The following PDCD6IP variants were observed in gnomAD, a reference collection of about 807,000 sequenced individuals.
The protein encoded by PDCD6IP is programmed cell death 6 interacting protein, also known as programmed cell death 6-interacting protein.
A neutral mutation model predicts 103.7 loss-of-function variants in PDCD6IP; 43 were observed. The ratio of observed to expected loss-of-function variants is 0.41; its 90% confidence interval spans 0.32 to 0.53. PDCD6IP has a LOEUF of 0.53. Among genes scored for constraint, PDCD6IP ranks in the 20% least tolerant of loss-of-function variants. The probability of loss-of-function intolerance (pLI) is 0.16; values close to 1 mark genes in which losing one functional copy is unlikely to be tolerated. For missense variants in PDCD6IP, 871 were observed against 1,036.7 expected (o/e 0.84, Z 2.20); for synonymous variants, 354 against 378.7 (o/e 0.93, Z 0.76).
chr3:33,806,579 C>T (rs1416788849), intron 1 of PDCD6IP, among the ~76,000 whole-genome samples: 1 of 152,188 alleles, frequency 6.6e-6, no homozygotes, highest in African/African-American at 2.4e-5. Flanking sequence ...TTTGCCAACT[C>T]CTGGCTTAGC....
At chr3:33,818,513 CTTTTTT>C (rs61405380) in intron 3 of PDCD6IP, among the ~76,000 whole-genome samples, 21 of 89,270 alleles carry the variant, frequency 2.4e-4, no homozygotes, top group African/African-American at 8.7e-4. Flanking sequence ...TGATCCCTTG[CTTTTTT>C]TTTTTTTTTT....
intron 3 of PDCD6IP, among the ~76,000 whole-genome samples, chr3:33,815,376 G>A (rs947949406): frequency 1.3e-5 from 2 of 151,994 alleles, no homozygotes; most frequent in Non-Finnish European, 2.9e-5. Context: ...ACTCTGGAAG[G>A]GACTTCATAA....
chr3:33,857,189 GA>G (rs1209770891), intron 15 of PDCD6IP, among the ~76,000 whole-genome samples: 1 of 143,836 alleles, frequency 7.0e-6, no homozygotes, highest in Non-Finnish European at 1.5e-5. Flanking sequence ...AAAAAAAGGT[GA>G]TTTTTTTTTA....
chr3:33,836,009 T>TC, intron 7 of PDCD6IP, 35 bp from the exon 8 acceptor site: 2 of 402,140 alleles, frequency 5.0e-6, no homozygotes, highest in Non-Finnish European at 8.3e-6. Context: ...CACCTCCCTC[T>TC]TTTTTTTTTT....
At chr3:33,842,459 A>T (rs1331191806) in intron 10 of PDCD6IP, among the ~76,000 whole-genome samples, 1 of 151,608 alleles carries the variant, frequency 6.6e-6, no homozygotes, top group Non-Finnish European at 1.5e-5. Context: ...AAACCCTTTA[A>T]TTTATCCCTA....
At chr3:33,845,960 C>T (rs1259599594) in intron 12 of PDCD6IP, among the ~76,000 whole-genome samples, 2 of 152,130 alleles carry the variant, frequency 1.3e-5, no homozygotes, top group African/African-American at 4.8e-5. Flanking sequence ...TTCTATACTC[C>T]TTTCCACCTT....
intron 17 of PDCD6IP, among the ~76,000 whole-genome samples, chr3:33,865,750 G>A (rs1698049940): frequency 6.6e-6 from 1 of 152,164 alleles, no homozygotes; most frequent in African/African-American, 2.4e-5. Context: ...GCGTAGCATA[G>A]CAAAACTGAT....
At chr3:33,819,677 T>C (rs1043354652) in intron 3 of PDCD6IP, among the ~76,000 whole-genome samples, 1 of 152,174 alleles carries the variant, frequency 6.6e-6, no homozygotes, top group Non-Finnish European at 1.5e-5. Flanking sequence ...CATACAAATG[T>C]AGTGTTGTTC....
chr3:33,822,393 AT>A (rs1697012965), intron 4 of PDCD6IP, among the ~76,000 whole-genome samples: 1 of 152,192 alleles, frequency 6.6e-6, no homozygotes, highest in Non-Finnish European at 1.5e-5. Flanking sequence ...GGGTAAATCC[AT>A]TTTAAATAAA....
chr3:33,832,959 T>G (rs7649584), intron 7 of PDCD6IP, among the ~76,000 whole-genome samples: 1 of 152,006 alleles, frequency 6.6e-6, no homozygotes, highest in Non-Finnish European at 1.5e-5. Flanking sequence ...TGGTCAAACA[T>G]ATATAAAAGT....
Position 33,866,672 on chromosome 3 carries a change from C to A in PDCD6IP, c.*147C>A. The A allele has an allele frequency of 1.8e-6, 1 of 541,122 alleles. No individual in the cohort carries two copies. Among genetic ancestry groups the A allele is most frequent in the Non-Finnish European group, 3.0e-6 (1 of 336,718 alleles). The allele number at this position is 541,122 out of a possible 1,614,324, so 33.5% of individuals were successfully genotyped here. A position where few individuals can be genotyped will look rare whatever the true frequency, so the allele number is the denominator to read the frequency against. On this transcript the variant is annotated 3_prime_UTR_variant, in exon 18 of 18. Transcript: ENST00000307296. ...TATAATTTCTGTCTACAGCTAGAAG[C>A]TGTGCCCCAGTTCCACATTTGATTA...
intron 6 of PDCD6IP, chr3:33,826,795 TA>T: frequency 7.6e-7 from 1 of 1,308,676 alleles, no homozygotes; most frequent in Non-Finnish European, 9.7e-7. Flanking sequence ...TACCTTTTAC[TA>T]AACTTGTTTT....
intron 7 of PDCD6IP, among the ~76,000 whole-genome samples, chr3:33,830,738 C>G (rs541580672): frequency 6.6e-6 from 1 of 152,234 alleles, no homozygotes; most frequent in South Asian, 2.1e-4. Context: ...AACACACTCA[C>G]TGATCCATAT....
At chr3:33,812,305 ATTC>A (rs1696737549) in intron 2 of PDCD6IP, among the ~76,000 whole-genome samples, 179 bp downstream of exon 2, 1 of 152,190 alleles carries the variant, frequency 6.6e-6, no homozygotes, top group Non-Finnish European at 1.5e-5. Context: ...TGTTCATGTC[ATTC>A]TTCAGTCACT....
intron 15 of PDCD6IP, among the ~76,000 whole-genome samples, chr3:33,856,723 G>A (rs1697837659): frequency 6.6e-6 from 1 of 152,112 alleles, no homozygotes; most frequent in African/African-American, 2.4e-5. Flanking sequence ...TAGGCAGTCA[G>A]GCAAAACAGT....
chr3:33,798,697 G>C lies in PDCD6IP; in HGVS notation c.-32G>C, dbSNP rs762492079. Reference sequence around the variant, plus strand: ...GGCCCTCGTAAGCTGTCCGCGGTCTGTTTGGCCCGAACGGCGGCGGAGGCG... The same window carrying C: ...GGCCCTCGTAAGCTGTCCGCGGTCTCTTTGGCCCGAACGGCGGCGGAGGCG... On this transcript the variant is annotated 5_prime_UTR_variant, in exon 1 of 18. Coordinates refer to ENST00000307296, the MANE Select transcript of PDCD6IP (RefSeq NM_013374.6). The C allele has an allele frequency of 4.0e-6, 6 of 1,518,248 alleles. No individual in the cohort carries two copies. Among genetic ancestry groups the C allele is most frequent in the South Asian group, 1.3e-5 (1 of 79,618 alleles). 94.0% of individuals were successfully genotyped at this position (1,518,248 alleles called of 1,614,324 possible). A position where few individuals can be genotyped will look rare whatever the true frequency, so the allele number is the denominator to read the frequency against.
intron 3 of PDCD6IP, among the ~76,000 whole-genome samples, chr3:33,818,108 T>G (rs934784736): frequency 1.5e-5 from 2 of 134,050 alleles, no homozygotes; most frequent in Non-Finnish European, 3.4e-5. Context: ...TTTTTTTTTT[T>G]TTTTTTTTTT....
intron 6 of PDCD6IP, chr3:33,827,110 C>T: frequency 1.0e-6 from 1 of 985,326 alleles, no homozygotes; most frequent in Non-Finnish European, 1.2e-6. Flanking sequence ...AGGAAAGCAA[C>T]CATCTTAAAC....
At chr3:33,844,599 A>G (rs1229196475) in intron 11 of PDCD6IP, among the ~76,000 whole-genome samples, 4 of 151,536 alleles carry the variant, frequency 2.6e-5, no homozygotes, top group African/African-American at 9.7e-5. Flanking sequence ...TTCTACCTCA[A>G]CCTCCTGAGT....
Sources: allele counts gnomAD v4.1 joint callset (sites outside exome capture counted in the v4.1 genomes callset), GRCh38; gene constraint gnomAD v4.1.1; transcripts MANE v1.5; gene names NCBI Gene and HGNC (gene_info 2026-07-23, HGNC 2026-07-21).